The following SLIT3 variants were observed in gnomAD, a reference collection of about 807,000 sequenced individuals.
SLIT3 encodes the protein slit guidance ligand 3.
SLIT3 carries 68 observed loss-of-function variants against 184.0 expected under a neutral mutation model. The observed-to-expected ratio is 0.37, with a 90% CI of 0.30 to 0.45. The LOEUF (loss-of-function observed/expected upper bound fraction) is 0.45. Ranked by LOEUF, SLIT3 falls within the 20% of genes least tolerant of loss-of-function variation. The probability of loss-of-function intolerance (pLI) is 1.00; values close to 1 mark genes in which losing one functional copy is unlikely to be tolerated. For missense variants in SLIT3, 1,707 were observed against 2,026.0 expected, an observed-to-expected ratio of 0.84 and a Z score of 3.02; for synonymous variants, 831 against 828.6, an observed-to-expected ratio of 1.00 and a Z score of -0.05.
rs575178855 is a variant in SLIT3 at position 168,798,220 on chromosome 5, C to CTTTTTTTTTTTT, written c.936-2643_936-2642insAAAAAAAAAAAA. On this transcript the variant is annotated intron_variant, in intron 9 of 35. Coordinates refer to ENST00000519560, the MANE Select transcript of SLIT3 (RefSeq NM_003062.4). ...CTTTTGGTTTTCTTTTCTTCTTCTT[C>CTTTTTTTTTTTT]TTCTTTTTTTTTTTTTTTTAAGAGA... is the stretch of plus-strand genomic sequence containing the variant. 5.8e-3 allele frequency among the ~76,000 whole-genome samples: 646 copies of CTTTTTTTTTTTT among 112,094 alleles called. 28 individuals are homozygous for CTTTTTTTTTTTT. Among genetic ancestry groups the CTTTTTTTTTTTT allele is most frequent in the South Asian group, 0.016 (42 of 2,642 alleles). The allele number at this position is 112,094 out of a possible 152,430, so 73.5% of individuals were successfully genotyped here.
Position 168,669,864 on chromosome 5 carries a change from G to T in SLIT3, c.4255C>A (p.His1419Asn). The T allele has an allele frequency of 6.2e-7, 1 of 1,614,164 alleles. No individual in the cohort carries two copies. Among genetic ancestry groups the T allele is most frequent in the Admixed American group, 1.7e-5 (1 of 60,024 alleles). Reference protein sequence around the residue: ...ANACSAFKCHHGQCHISDQGE... With the variant: ...ANACSAFKCHNGQCHISDQGE... The stretch of plus-strand genomic sequence containing the variant: ...TGGTCTGAGATGTGGCACTGCCCAT[G>T]GTGACACTTGAAGGCTGAGCAGGCA... The change falls in exon 35 of 36, where the codon CAT becomes AAT. Residue 1419 changes from histidine to asparagine, a missense_variant. This residue lies in a region of SLIT3 where 387 missense variants were observed against 477.9 expected (regional missense o/e 0.81). Transcript: ENST00000519560.
At chr5:169,260,338 A>T (rs1157796749) in intron 1 of SLIT3, among the ~76,000 whole-genome samples, 1 of 152,068 alleles carries the variant, frequency 6.6e-6, no homozygotes, top group East Asian at 1.9e-4. Flanking sequence ...TGCACTCACT[A>T]CGCTTTCCAC....
At chr5:169,241,533 T>C (rs1765404935) in intron 3 of SLIT3, among the ~76,000 whole-genome samples, 1 of 152,138 alleles carries the variant, frequency 6.6e-6, no homozygotes. Context: ...CAAAAATGTA[T>C]CTAAACATTA....
At chr5:168,675,721 A>G (rs1303016435) in intron 32 of SLIT3, among the ~76,000 whole-genome samples, 2 of 152,104 alleles carry the variant, frequency 1.3e-5, no homozygotes, top group African/African-American at 4.8e-5. Flanking sequence ...AACAACAACA[A>G]AAGAGCGCTT....
At chr5:169,099,979 C>T (rs1172915369) in intron 4 of SLIT3, among the ~76,000 whole-genome samples, 1 of 152,236 alleles carries the variant, frequency 6.6e-6, no homozygotes, top group Non-Finnish European at 1.5e-5. Context: ...CAGCTTCTTT[C>T]CTGGGGAGCA....
chr5:168,870,357 C>T lies in SLIT3; in HGVS notation c.485+12908G>A, dbSNP rs1236669157. Among the ~76,000 whole-genome samples, 8 of 152,326 alleles carry T rather than the reference C, an allele frequency of 5.3e-5. No homozygotes were observed. In the East Asian group the frequency reaches 1.2e-3, roughly 22 times the overall value. On this transcript the variant is annotated intron_variant, in intron 5 of 35. Coordinates refer to ENST00000519560, the MANE Select transcript of SLIT3 (RefSeq NM_003062.4). ...TTTGCCCTGCTGCAGAAATCCCTAA[C>T]CAGTCCCAAGGATATCTGGAAACTT... is the stretch of plus-strand genomic sequence containing the variant.
chr5:168,770,059 T>C (rs953359442), intron 14 of SLIT3, among the ~76,000 whole-genome samples: 37 of 152,142 alleles, frequency 2.4e-4, no homozygotes, highest in African/African-American at 8.7e-4. Flanking sequence ...CGGGGAGGCA[T>C]GAAGGAAGAC....
chr5:169,251,221 T>C (rs969458195), intron 2 of SLIT3, among the ~76,000 whole-genome samples, 167 bp downstream of exon 2: 2 of 152,206 alleles, frequency 1.3e-5, no homozygotes, highest in African/African-American at 4.8e-5. Flanking sequence ...ACACAGAATG[T>C]GATACCTGTA....
chr5:169,169,642 C>T (rs779654359), intron 4 of SLIT3, among the ~76,000 whole-genome samples: 10 of 152,196 alleles, frequency 6.6e-5, no homozygotes, highest in Non-Finnish European at 1.3e-4. Flanking sequence ...TGGTCCCTAT[C>T]AGAGAATTGC....
intron 4 of SLIT3, among the ~76,000 whole-genome samples, chr5:168,933,979 C>T (rs377122517): frequency 1.3e-3 from 205 of 152,278 alleles, no homozygotes; most frequent in African/African-American, 4.5e-3. Context: ...TAAGCTGGTG[C>T]TGCTTGCCCA....
chr5:168,797,407 T>C (rs1015563518), intron 9 of SLIT3, among the ~76,000 whole-genome samples: 9 of 152,214 alleles, frequency 5.9e-5, no homozygotes, highest in African/African-American at 1.9e-4. Context: ...AGCCACTGTC[T>C]GTAACAACGG....
At chr5:169,075,196 T>C (rs1758694534) in intron 4 of SLIT3, among the ~76,000 whole-genome samples, 1 of 152,086 alleles carries the variant, frequency 6.6e-6, no homozygotes, top group Admixed American at 6.6e-5. Flanking sequence ...CATTTTGGGA[T>C]GATGGTGGGG....
At chr5:169,191,967 T>C (rs1179953022) in intron 4 of SLIT3, among the ~76,000 whole-genome samples, 1 of 152,202 alleles carries the variant, frequency 6.6e-6, no homozygotes, top group Non-Finnish European at 1.5e-5. Context: ...ATGAATAGTA[T>C]ATACTCTGCT....
intron 4 of SLIT3, among the ~76,000 whole-genome samples, chr5:169,129,875 G>T (rs1761233426): frequency 6.6e-6 from 1 of 151,946 alleles, no homozygotes; most frequent in Admixed American, 6.6e-5. Flanking sequence ...CTGAGATGAA[G>T]TCTTGCTCTG....
intron 4 of SLIT3, among the ~76,000 whole-genome samples, chr5:168,961,873 T>TGC (rs1230957652): frequency 6.6e-6 from 1 of 151,624 alleles, no homozygotes; most frequent in Non-Finnish European, 1.5e-5. Flanking sequence ...TGTGTGTGTG[T>TGC]GTGTGTGTGT....
chr5:168,822,724 C>T (rs901357933), intron 7 of SLIT3, among the ~76,000 whole-genome samples: 9 of 152,134 alleles, frequency 5.9e-5, no homozygotes, highest in Non-Finnish European at 1.2e-4. Context: ...AGAAAGACGG[C>T]ATTCTAATGT....
At chr5:169,242,678 T>C (rs151274044) in intron 3 of SLIT3, among the ~76,000 whole-genome samples, 3 of 152,312 alleles carry the variant, frequency 2.0e-5, no homozygotes, top group African/African-American at 7.2e-5. Flanking sequence ...TTTACATGAA[T>C]AAGTAAACGT....
chr5:168,765,263 T>C (rs972524031), intron 14 of SLIT3, among the ~76,000 whole-genome samples: 8 of 152,330 alleles, frequency 5.3e-5, no homozygotes, highest in African/African-American at 1.7e-4. Flanking sequence ...CTCTCAGTAG[T>C]ATAGTTAGAT....
chr5:168,863,947 G>A (rs1309454392), intron 5 of SLIT3, among the ~76,000 whole-genome samples: 4 of 151,848 alleles, frequency 2.6e-5, no homozygotes, highest in African/African-American at 4.8e-5. Flanking sequence ...GGCCAGGTGC[G>A]GTAGCTCATG....
Sources: gnomAD v4.1 joint callset for allele counts (sites outside exome capture counted in the v4.1 genomes callset) on GRCh38, gnomAD v4.1.1 for gene constraint, gnomAD v4.1.1 regional missense constraint, MANE v1.5 for transcripts, NCBI Gene and HGNC (gene_info 2026-07-23, HGNC 2026-07-21) for gene names.